NLRP3: variants seen among roughly 807,000 people sequenced by gnomAD.
NLRP3 encodes the protein NACHT, LRR and PYD domains-containing protein 3.
In NLRP3, 48 loss-of-function variants were observed where a neutral mutation model predicts 91.3. That is an observed-to-expected ratio of 0.53 (90% confidence interval 0.42 to 0.67). The LOEUF (loss-of-function observed/expected upper bound fraction) is 0.67. Among genes scored for constraint, NLRP3 ranks in the 30% least tolerant of loss-of-function variants. The pLI is 0.00. For synonymous variants in NLRP3, 561 were observed against 507.9 expected (o/e 1.10, Z -1.41); for missense variants, 982 against 1,276.9 (o/e 0.77, Z 3.52).
chr1:247,447,169 G>A (rs115499311), intron 9 of NLRP3, among the ~76,000 whole-genome samples: 292 of 152,302 alleles, frequency 1.9e-3, no homozygotes, highest in African/African-American at 6.8e-3. Flanking sequence ...CACAATACTG[G>A]AGGCTAGAAA....
intron 4 of NLRP3, among the ~76,000 whole-genome samples, chr1:247,427,212 C>T (rs1662954722): frequency 6.6e-6 from 1 of 152,166 alleles, no homozygotes; most frequent in South Asian, 2.1e-4. Flanking sequence ...GGACAGCAAT[C>T]CCACTCCTGA....
intron 5 of NLRP3, among the ~76,000 whole-genome samples, chr1:247,432,506 A>G (rs1205859064): frequency 6.6e-6 from 1 of 152,160 alleles, no homozygotes; most frequent in African/African-American, 2.4e-5. Flanking sequence ...GGTAAATTTC[A>G]AATCGTAGTG....
chr1:247,442,373 C>A (rs1218935847), intron 7 of NLRP3, among the ~76,000 whole-genome samples: 1 of 152,182 alleles, frequency 6.6e-6, no homozygotes, highest in Non-Finnish European at 1.5e-5. Context: ...CTGCGCTATT[C>A]CTGGCTTCAT....
At position 247,429,755 on chromosome 1, in the gene NLRP3, G is replaced by T. The variant is rs779140194; in HGVS notation, c.2321G>T (p.Trp774Leu). 1 of 1,613,566 alleles carries T rather than the reference G, an allele frequency of 6.2e-7. No homozygotes were observed. The highest frequency in any genetic ancestry group is 8.5e-7 in the Non-Finnish European group (1 of 1,179,984). Residue 774 changes from tryptophan (W) to leucine (L), a missense_variant and splice_region_variant, in exon 5 of 10, where the codon TGG (tryptophan) becomes TTG (leucine). Physicochemically the swap from Trp to Leu is moderately conservative, Grantham distance 61. Transcript: ENST00000336119. Reference protein sequence around the residue: ...QHPGCNIRRLWLGRCGLSHEC... With the variant: ...QHPGCNIRRLLLGRCGLSHEC... ...CCTGGCTGTAACATTCGGAGATTGT[G>T]GTGAGTCCCCGTGCATGTGATCTGT...
At position 247,423,974 on chromosome 1, in the gene NLRP3, C is replaced by G. The variant is rs376196301; in HGVS notation, c.525C>G (p.His175Gln). The change falls in exon 4 of 10, where the codon CAC (histidine) becomes CAG (glutamine). Residue 175 changes from histidine to glutamine, a missense_variant. Coordinates refer to ENST00000336119, the MANE Select transcript of NLRP3 (RefSeq NM_001243133.2). Reference sequence around the variant, plus strand: ...CACGACTGCGTCTCATCAAGGAGCACCGGAGCCAGCAGGAGAGGGAGCAGG... The same window carrying G: ...CACGACTGCGTCTCATCAAGGAGCAGCGGAGCCAGCAGGAGAGGGAGCAGG... ...RYTRLRLIKEHRSQQEREQEL... is the reference protein window; with the variant it reads ...RYTRLRLIKEQRSQQEREQEL... 4 of 1,614,002 alleles carry G rather than the reference C, an allele frequency of 2.5e-6. No individual in the cohort carries two copies. The South Asian group carries it at 4.4e-5, about 18-fold the overall frequency.
chr1:247,434,301 G>C (rs1486136021), intron 6 of NLRP3, 28 bp downstream of exon 6: 1 of 1,613,642 alleles, frequency 6.2e-7, no homozygotes, highest in African/African-American at 1.3e-5. Context: ...CCCTAAGGAA[G>C]TTCTGCCAGC....
At chr1:247,419,784 C>T (rs1419812835) in intron 2 of NLRP3, among the ~76,000 whole-genome samples, 3 of 152,178 alleles carry the variant, frequency 2.0e-5, no homozygotes, top group African/African-American at 7.2e-5. Flanking sequence ...TATAAATACT[C>T]CATGGTACCA....
Position 247,448,556 on chromosome 1 carries a change from G to A in NLRP3, c.*52G>A, listed in dbSNP as rs1664751882. Reference sequence around the variant, plus strand: ...AGTGTTCTCCGGTCCCTCCAGCTGGGGGCCCTCAGGTGGAGAGAGCTGCGA... The same window carrying A: ...AGTGTTCTCCGGTCCCTCCAGCTGGAGGCCCTCAGGTGGAGAGAGCTGCGA... On this transcript the variant is annotated 3_prime_UTR_variant, in exon 10 of 10. Transcript: ENST00000336119. 9.1e-7 allele frequency: 1 copy of A among 1,093,812 alleles called. No homozygotes were observed. The highest frequency in any genetic ancestry group is 1.2e-5 in the South Asian group (1 of 80,808). The allele number at this position is 1,093,812 out of a possible 1,614,324, so 67.8% of individuals were successfully genotyped here. A position where few individuals can be genotyped will look rare whatever the true frequency, so the allele number is the denominator to read the frequency against.
In NLRP3 at chr1:247,425,695, A is replaced by T; in HGVS notation, c.2150+96A>T. The T allele has an allele frequency of 8.7e-7, 1 of 1,150,372 alleles. No homozygotes were observed. Among genetic ancestry groups the T allele is most frequent in the Non-Finnish European group, 1.3e-6 (1 of 783,690 alleles). 71.3% of individuals were successfully genotyped at this position (1,150,372 alleles called of 1,614,324 possible). ...TCATCTCTTTTCAACTATCTTCCAA[A>T]TACTGTTGCCACAGCTACATCATAA... On this transcript the variant is annotated intron_variant, in intron 4 of 9. Transcript: ENST00000336119. This position sits in a 1 kb window ranked among gnomAD's most constrained non-coding sequence, Gnocchi z 4.1.
At chr1:247,422,605 G>A (rs751453073) in intron 2 of NLRP3, among the ~76,000 whole-genome samples, 1 of 152,022 alleles carries the variant, frequency 6.6e-6, no homozygotes, top group African/African-American at 2.4e-5. Context: ...TGGTTCCTGG[G>A]CCTCACCTCA....
Position 247,429,565 on chromosome 1 carries a change from G to A in NLRP3, c.2151-20G>A, listed in dbSNP as rs773034862. Reference sequence around the variant, plus strand: ...TTCGAGGCTGATTTCTTTTCTGTCTGTCTTCCTTCTAATTCCTAGATTGGT... The same window carrying A: ...TTCGAGGCTGATTTCTTTTCTGTCTATCTTCCTTCTAATTCCTAGATTGGT... On this transcript the variant is annotated intron_variant, in intron 4 of 9. Transcript: ENST00000336119. 6.8e-6 allele frequency: 11 copies of A among 1,613,838 alleles called. No individual in the cohort carries two copies. The South Asian group carries it at 9.9e-5, about 14-fold the overall frequency.
chr1:247,435,350 G>A (rs1663706711), intron 6 of NLRP3, among the ~76,000 whole-genome samples: 1 of 152,156 alleles, frequency 6.6e-6, no homozygotes, highest in Admixed American at 6.5e-5. Flanking sequence ...GTCCTTCAAC[G>A]GATGAAGGGT....
rs3806268 is a variant in NLRP3 at position 247,424,175 on chromosome 1, G to A, written c.726G>A (p.Ala242=). 0.53 allele frequency: 860,268 copies of A among 1,613,644 alleles called. 237,951 individuals carry two copies. The highest frequency in any genetic ancestry group is 0.57 in the East Asian group (25,554 of 44,818). The part of the protein sequence containing the change: ...ILARKMMLDW[A]SGTLYQDRFD... ...CCAGGAAGATGATGTTGGACTGGGC[G>A]TCGGGGACACTCTACCAAGACAGGT... is the stretch of plus-strand genomic sequence containing the variant. The change falls in exon 4 of 10, where the codon GCG becomes GCA. Residue 242 remains alanine, a synonymous_variant. Transcript: ENST00000336119. This position sits in a 1 kb window ranked among gnomAD's most constrained non-coding sequence, Gnocchi z 8.1.
At chr1:247,431,216 T>C (rs1040765601) in intron 5 of NLRP3, among the ~76,000 whole-genome samples, 2 of 149,636 alleles carry the variant, frequency 1.3e-5, no homozygotes, top group African/African-American at 5.1e-5. Flanking sequence ...TAATAAAAAA[T>C]GTGCTTGCTT....
chr1:247,440,163 A>T (rs1664108820), intron 7 of NLRP3, among the ~76,000 whole-genome samples: 1 of 151,922 alleles, frequency 6.6e-6, no homozygotes, highest in Non-Finnish European at 1.5e-5. Flanking sequence ...TTTCTCTCGA[A>T]CTTTGGGTCC....
intron 8 of NLRP3, 94 bp downstream of exon 8, chr1:247,444,236 T>A (rs1664443449): frequency 2.3e-6 from 3 of 1,286,822 alleles, no homozygotes; most frequent in Non-Finnish European, 1.1e-6. Context: ...ATCTGTATCT[T>A]AGAAGTGAGG....
chr1:247,438,644 A>G (rs927602641), intron 7 of NLRP3, among the ~76,000 whole-genome samples: 2 of 152,150 alleles, frequency 1.3e-5, no homozygotes, highest in Non-Finnish European at 2.9e-5. Flanking sequence ...TTGGCCTCCC[A>G]AAGTGTTGGG....
At chr1:247,421,700 A>G (rs933251013) in intron 2 of NLRP3, among the ~76,000 whole-genome samples, 2 of 152,240 alleles carry the variant, frequency 1.3e-5, no homozygotes, top group African/African-American at 4.8e-5. Flanking sequence ...GGTAAAAAGC[A>G]GGGCATGTCT....
At position 247,425,753 on chromosome 1, in the gene NLRP3, A is replaced by G; in HGVS notation, c.2150+154A>G. The stretch of plus-strand genomic sequence containing the variant: ...ACTGTCTGTTTGAGACTCCTTCATG[A>G]GCAAAGATTGATGTATGGTAGGTGG... On this transcript the variant is annotated intron_variant, in intron 4 of 9. Coordinates refer to ENST00000336119, the MANE Select transcript of NLRP3 (RefSeq NM_001243133.2). The surrounding 1 kb of genome is among the most constrained non-coding windows in gnomAD (Gnocchi z 4.1). 1.4e-6 allele frequency: 1 copy of G among 712,766 alleles called. No individual in the cohort carries two copies. Among genetic ancestry groups the G allele is most frequent in the Non-Finnish European group, 2.4e-6 (1 of 409,410 alleles). The allele number at this position is 712,766 out of a possible 1,614,324, so 44.2% of individuals were successfully genotyped here.
Sources: allele counts gnomAD v4.1 joint callset (sites outside exome capture counted in the v4.1 genomes callset), GRCh38; gene constraint gnomAD v4.1.1; non-coding constraint Gnocchi (gnomAD v3.1); transcripts MANE v1.5; gene names NCBI Gene and HGNC (gene_info 2026-07-23, HGNC 2026-07-21).